Variants in RPH3A observed in about 807,000 individuals in gnomAD.
The protein encoded by RPH3A is rabphilin 3A.
Under a neutral mutation model 102.2 loss-of-function variants are expected in RPH3A, and 48 were observed. That is an observed-to-expected ratio of 0.47 (90% CI 0.37 to 0.60). RPH3A has a LOEUF of 0.60. RPH3A is among the 20% of genes least tolerant of loss of function. RPH3A has a pLI of 0.00. For synonymous variants in RPH3A, 310 were observed against 324.3 expected, an observed-to-expected ratio of 0.96 and a Z score of 0.47; for missense variants, 781 against 910.1, an observed-to-expected ratio of 0.86 and a Z score of 1.83.
At chr12:112,836,858 T>C (rs965056395) in intron 4 of RPH3A, among the ~76,000 whole-genome samples, 1 of 152,226 alleles carries the variant, frequency 6.6e-6, no homozygotes, top group African/African-American at 2.4e-5. Flanking sequence ...AAATGTTAAC[T>C]CTAATAACTG....
intron 1 of RPH3A, among the ~76,000 whole-genome samples, chr12:112,697,638 G>A (rs2040361684): frequency 6.6e-6 from 1 of 152,172 alleles, no homozygotes. Context: ...GCTGAGGCGG[G>A]TGGATCACTC....
At chr12:112,858,292 AAAG>A (rs1426683429) in intron 5 of RPH3A, among the ~76,000 whole-genome samples, 41 of 142,386 alleles carry the variant, frequency 2.9e-4, no homozygotes, top group African/African-American at 9.1e-4. Context: ...AAAAAAAAAA[AAAG>A]AAAAGAAAAG....
chr12:112,856,877 G>T (rs998522075), intron 5 of RPH3A, among the ~76,000 whole-genome samples: 2 of 152,166 alleles, frequency 1.3e-5, no homozygotes, highest in African/African-American at 4.8e-5. Flanking sequence ...CTAATTTACA[G>T]ATAAAGAAAT....
chr12:112,886,088 AG>A (rs1264510147), intron 16 of RPH3A, among the ~76,000 whole-genome samples: 7 of 152,148 alleles, frequency 4.6e-5, no homozygotes, highest in African/African-American at 1.7e-4. Flanking sequence ...CTCAGCTATG[AG>A]GGTGTTTGGG....
chr12:112,716,696 C>T (rs550220278), intron 1 of RPH3A, among the ~76,000 whole-genome samples: 3 of 152,362 alleles, frequency 2.0e-5, no homozygotes, highest in African/African-American at 4.8e-5. Context: ...AATGTAGTCT[C>T]TGGCTAGGCA....
At chr12:112,845,298 C>G (rs1232911070) in intron 4 of RPH3A, among the ~76,000 whole-genome samples, 4 of 152,174 alleles carry the variant, frequency 2.6e-5, no homozygotes, top group Non-Finnish European at 4.4e-5. Flanking sequence ...TTGCCAGACT[C>G]AATCTCTCCC....
chr12:112,747,120 C>T (rs756215526), intron 1 of RPH3A, among the ~76,000 whole-genome samples: 1 of 152,162 alleles, frequency 6.6e-6, no homozygotes, highest in Non-Finnish European at 1.5e-5. Flanking sequence ...CTATGGTCTG[C>T]AGGTTTGTGT....
At chr12:112,857,088 T>C (rs1260856079) in intron 5 of RPH3A, among the ~76,000 whole-genome samples, 2 of 152,156 alleles carry the variant, frequency 1.3e-5, no homozygotes, top group Non-Finnish European at 2.9e-5. Flanking sequence ...CATGCCTGTG[T>C]ATCGGGAGTC....
chr12:112,706,603 T>C (rs960444375), intron 1 of RPH3A, among the ~76,000 whole-genome samples: 17 of 152,278 alleles, frequency 1.1e-4, no homozygotes, highest in African/African-American at 3.4e-4. Context: ...CACAGAGCCT[T>C]GAATAACGCA....
intron 1 of RPH3A, among the ~76,000 whole-genome samples, chr12:112,669,539 C>T (rs192359413): frequency 9.7e-4 from 148 of 152,270 alleles, no homozygotes; most frequent in South Asian, 8.7e-3. Flanking sequence ...TAACCCACAT[C>T]GCAAGGAAAT....
intron 11 of RPH3A, 23 bp from the exon 12 acceptor site, chr12:112,875,656 G>C (rs759308606): frequency 1.9e-6 from 3 of 1,606,956 alleles, no homozygotes; most frequent in African/African-American, 1.3e-5. Context: ...CTGCATCTCT[G>C]TTTGTCTCCT....
At chr12:112,713,549 T>C (rs949259921) in intron 1 of RPH3A, among the ~76,000 whole-genome samples, 3 of 144,652 alleles carry the variant, frequency 2.1e-5, no homozygotes, top group African/African-American at 7.7e-5. Flanking sequence ...TGAGAGAGAT[T>C]ACACAAGATT....
chr12:112,765,223 G>C (rs377451828), intron 1 of RPH3A, among the ~76,000 whole-genome samples: 4 of 150,900 alleles, frequency 2.7e-5, no homozygotes, highest in African/African-American at 9.8e-5. Flanking sequence ...GGGGAGGAAG[G>C]TGCAATGTTT....
chr12:112,647,505 A>G (rs956724925), intron 1 of RPH3A, among the ~76,000 whole-genome samples: 3 of 152,172 alleles, frequency 2.0e-5, no homozygotes, highest in African/African-American at 7.2e-5. Flanking sequence ...AATGGGGGCA[A>G]TAGGCAATAA....
At chr12:112,788,449 G>A (rs2041065652), upstream of RPH3A, among the ~76,000 whole-genome samples, 2 of 152,200 alleles carry the variant, frequency 1.3e-5, no homozygotes, top group East Asian at 1.9e-4. Context: ...TGAAAACACA[G>A]GCTTTGGAGT....
chr12:112,699,772 G>A (rs1263043600), intron 1 of RPH3A, among the ~76,000 whole-genome samples: 2 of 152,164 alleles, frequency 1.3e-5, no homozygotes, highest in African/African-American at 2.4e-5. Context: ...ACCTCAATAA[G>A]GTTGATATAA....
At chr12:112,896,600 A>T (rs1469870974) in intron 21 of RPH3A, 50 bp from the exon 22 acceptor site, 1 of 1,608,542 alleles carries the variant, frequency 6.2e-7, no homozygotes, top group Non-Finnish European at 8.5e-7. Flanking sequence ...TTGGGTCTAG[A>T]ACGACCTCTA....
intron 4 of RPH3A, among the ~76,000 whole-genome samples, chr12:112,837,478 AT>A (rs2042072907): frequency 6.6e-6 from 1 of 152,054 alleles, no homozygotes; most frequent in Admixed American, 6.6e-5. Flanking sequence ...TGCTCTAAAG[AT>A]TTAGTTAACA....
chr12:112,643,475 A>G (rs1262471292), intron 1 of RPH3A, among the ~76,000 whole-genome samples: 1 of 152,224 alleles, frequency 6.6e-6, no homozygotes, highest in Non-Finnish European at 1.5e-5. Context: ...TTGTTCATCC[A>G]TTCATTCAGC....
Sources: allele counts gnomAD v4.1 joint callset (sites outside exome capture counted in the v4.1 genomes callset), GRCh38; gene constraint gnomAD v4.1.1; transcripts MANE v1.5; gene names NCBI Gene and HGNC (gene_info 2026-07-23, HGNC 2026-07-21).